The following ZNF346 variants were observed in gnomAD, a reference collection of about 807,000 sequenced individuals.
ZNF346 encodes the protein zinc finger protein 346.
Under a neutral mutation model 33.7 loss-of-function variants are expected in ZNF346, and 23 were observed. That is an observed-to-expected ratio of 0.68 (90% CI 0.49 to 0.97). The LOEUF is 0.97. Among genes scored for constraint, ZNF346 ranks in the 50% least tolerant of loss-of-function variants. The pLI is 0.00. For synonymous variants in ZNF346, 134 were observed against 142.4 expected (o/e 0.94, Z 0.42); for missense variants, 340 against 371.1 (o/e 0.92, Z 0.69).
chr5:177,061,075 G>A (rs1050562052), intron 5 of ZNF346, among the ~76,000 whole-genome samples: 1 of 150,870 alleles, frequency 6.6e-6, no homozygotes, highest in Non-Finnish European at 1.5e-5. Flanking sequence ...TCGCACCACT[G>A]CACTCCAGCC....
chr5:177,071,366 T>TAA (rs909904213), downstream of ZNF346, among the ~76,000 whole-genome samples: 1 of 129,852 alleles, frequency 7.7e-6, no homozygotes. Context: ...GGGAGCCTCT[T>TAA]AAAAAAAAAA....
Position 177,041,876 on chromosome 5 carries a change from A to G in ZNF346, c.372+6A>G, listed in dbSNP as rs1353097806. 1.3e-6 allele frequency: 2 copies of G among 1,597,666 alleles called. No homozygotes were observed. The highest frequency in any genetic ancestry group is 1.7e-6 in the Non-Finnish European group (2 of 1,166,404). Reference sequence around the variant, plus strand: ...AGAAGCTAGACTCAGATCAGGTAATACAGCTGCCATATTGAGCCCACTTGC... The same window carrying G: ...AGAAGCTAGACTCAGATCAGGTAATGCAGCTGCCATATTGAGCCCACTTGC... On this transcript the variant is annotated splice_donor_region_variant and intron_variant, in intron 3 of 6. Transcript: ENST00000358149.
rs199787330 is a variant in ZNF346 at position 177,044,466 on chromosome 5, G to T, written c.450G>T (p.Gln150His). 2 of 1,614,112 alleles carry T rather than the reference G, an allele frequency of 1.2e-6. No homozygotes were observed. Among genetic ancestry groups the T allele is most frequent in the Non-Finnish European group, 1.7e-6 (2 of 1,180,024 alleles). Residue 150 changes from glutamine (Q) to histidine (H), a missense_variant, in exon 4 of 7, where the codon CAG becomes CAT. Transcript: ENST00000358149. ...NMTFSSPVVA[Q>H]SHYLGKTHAK... ...CCTTTTCCTCCCCTGTCGTGGCCCA[G>T]TCGCACTACCTGGGGAAGACCCACG...
intron 1 of ZNF346, chr5:177,023,135 C>A: frequency 6.7e-7 from 1 of 1,493,624 alleles, no homozygotes; most frequent in Non-Finnish European, 9.0e-7. Flanking sequence ...GGGTTTTCCT[C>A]CTCCTCCTTC....
chr5:177,031,335 T>G (rs79297957), intron 1 of ZNF346, among the ~76,000 whole-genome samples: 1,746 of 152,314 alleles, frequency 0.011, 11 homozygotes, highest in South Asian at 0.025. Context: ...GCCTGGACAC[T>G]TAGTGTAATG....
At chr5:177,069,989 T>C (rs555071083), downstream of ZNF346, among the ~76,000 whole-genome samples, 16 of 152,214 alleles carry the variant, frequency 1.1e-4, no homozygotes, top group African/African-American at 3.9e-4. Context: ...GACAACTGGG[T>C]TGTTTCTAGT....
intron 3 of ZNF346, among the ~76,000 whole-genome samples, chr5:177,043,317 A>G (rs1174344279): frequency 6.6e-6 from 1 of 152,160 alleles, no homozygotes; most frequent in Non-Finnish European, 1.5e-5. Flanking sequence ...ACAATTTATA[A>G]TTCAGAAAGG....
At chr5:177,028,040 CTTTTTTTTTTTTTTTTTTT>C (rs10682528) in intron 1 of ZNF346, among the ~76,000 whole-genome samples, 2 of 33,502 alleles carry the variant, frequency 6.0e-5, no homozygotes, top group Non-Finnish European at 9.8e-5. Flanking sequence ...CCTTGTGTCA[CTTTTTTTTTTTTTTTTTTT>C]TTTTTTTTTT....
At position 177,064,725 on chromosome 5, in the gene ZNF346, G is replaced by T; in HGVS notation, c.*126G>T. On this transcript the variant is annotated 3_prime_UTR_variant, in exon 7 of 7. Coordinates refer to ENST00000358149, the MANE Select transcript of ZNF346 (RefSeq NM_012279.4). Reference sequence around the variant, plus strand: ...AGTACACGGGCCTGAGGCAGGATTGGGCCACAGACAGCCTCTCATTGGTCC... The same window carrying T: ...AGTACACGGGCCTGAGGCAGGATTGTGCCACAGACAGCCTCTCATTGGTCC... 1 of 745,064 alleles carries T rather than the reference G, an allele frequency of 1.3e-6. No homozygotes were observed. Among genetic ancestry groups the T allele is most frequent in the East Asian group, 2.6e-5 (1 of 39,194 alleles). 46.2% of individuals were successfully genotyped at this position (745,064 alleles called of 1,614,324 possible).
Position 177,022,802 on chromosome 5 carries a change from A to C in ZNF346, c.64A>C (p.Ser22Arg), listed in dbSNP as rs941370318. Residue 22 changes from serine (S) to arginine (R), a missense_variant, in exon 1 of 7, where the codon AGC (serine) becomes CGC (arginine). Transcript: ENST00000358149. ...CGGCGGAGCGGCCGGGCCTTACAGC[A>C]GCTCGGAGTTGCTGGAGGGCCAGGA... ...ADGGAAGPYS[S>R]SELLEGQEPD... 1 of 1,544,240 alleles carries C rather than the reference A, an allele frequency of 6.5e-7. No homozygotes were observed. Among genetic ancestry groups the C allele is most frequent in the Non-Finnish European group, 8.7e-7 (1 of 1,146,150 alleles).
chr5:177,048,317 A>G lies in ZNF346; in HGVS notation c.518-2434A>G, dbSNP rs959156722. Among the ~76,000 whole-genome samples the G allele has an allele frequency of 5.9e-5, 9 of 152,286 alleles. No homozygotes were observed. In the East Asian group the frequency reaches 1.7e-3, roughly 29 times the overall value. ...CTCTTTTCTGATGTTAAAAATCTAC[A>G]TTCATTACAGAAAAGTTGGAAAATA... On this transcript the variant is annotated intron_variant, in intron 4 of 6. Coordinates refer to ENST00000358149, the MANE Select transcript of ZNF346 (RefSeq NM_012279.4).
At chr5:177,044,558 A>G (rs377348360) in intron 4 of ZNF346, 25 bp downstream of exon 4, 23 of 1,612,218 alleles carry the variant, frequency 1.4e-5, no homozygotes, top group African/African-American at 4.0e-5. Flanking sequence ...GAGTAGTGCT[A>G]TAGTGGGACC....
At chr5:177,042,954 C>T (rs1779546329) in intron 3 of ZNF346, among the ~76,000 whole-genome samples, 1 of 152,106 alleles carries the variant, frequency 6.6e-6, no homozygotes, top group Admixed American at 6.6e-5. Flanking sequence ...TGGGTTCAGG[C>T]GATTCCCCTG....
At chr5:177,036,604 C>T (rs191605862) in intron 1 of ZNF346, among the ~76,000 whole-genome samples, 236 of 152,188 alleles carry the variant, frequency 1.6e-3, no homozygotes, top group African/African-American at 5.6e-3. Context: ...CTCAGGTCTC[C>T]GCTGTCACAC....
rs187930238 is a variant in ZNF346, at chr5:177,058,415, G to A, written c.704-3643G>A. 7.9e-3 allele frequency among the ~76,000 whole-genome samples: 1,196 copies of A among 151,950 alleles called. 57 individuals are homozygous for A. Among genetic ancestry groups the A allele is most frequent in the Admixed American group, 0.073 (1,105 of 15,236 alleles). ...GAACCTGGGAGGCGGAGGTTGCAGTGAGCCGAGATCACGCCATTGCACTCC... is the reference window on the plus strand; with the variant it reads ...GAACCTGGGAGGCGGAGGTTGCAGTAAGCCGAGATCACGCCATTGCACTCC... On this transcript the variant is annotated intron_variant, in intron 5 of 6. Coordinates refer to ENST00000358149, the MANE Select transcript of ZNF346 (RefSeq NM_012279.4).
At position 177,056,566 on chromosome 5, in the gene ZNF346, C is replaced by T. The variant is rs1316255892; in HGVS notation, c.704-5492C>T. 3.9e-5 allele frequency among the ~76,000 whole-genome samples: 6 copies of T among 152,292 alleles called. No homozygotes were observed. In the East Asian group the frequency reaches 9.6e-4, roughly 24 times the overall value. ...TTAAGAAATTGTGGCACATATACAC[C>T]ATGGAATACTATGCAGCCATAAAAA... On this transcript the variant is annotated intron_variant, in intron 5 of 6. Transcript: ENST00000358149.
intron 1 of ZNF346, among the ~76,000 whole-genome samples, chr5:177,025,243 T>C (rs1026704980): frequency 2.0e-5 from 3 of 152,230 alleles, no homozygotes; most frequent in African/African-American, 7.2e-5. Flanking sequence ...TAGTACTTCA[T>C]TCCTTTTTAT....
rs1226007947 is a variant in ZNF346 at position 177,065,585 on chromosome 5, G to A, written c.*986G>A. ...GATTTCTGGGTCCCAGGGAAAGAAA[G>A]AGAGAGCTGATGCAGGTTTCTACAG... is the stretch of plus-strand genomic sequence containing the variant. On this transcript the variant is annotated 3_prime_UTR_variant, in exon 7 of 7. Transcript: ENST00000358149. The A allele has an allele frequency of 1.3e-5, 2 of 152,634 alleles. No individual in the cohort carries two copies. The highest frequency in any genetic ancestry group is 1.3e-4 in the Admixed American group (2 of 15,280). The allele number at this position is 152,634 out of a possible 1,614,324, so 9.5% of individuals were successfully genotyped here.
At chr5:177,045,459 A>G (rs7702093) in intron 4 of ZNF346, among the ~76,000 whole-genome samples, 5,052 of 151,692 alleles carry the variant, frequency 0.033, 289 homozygotes, top group African/African-American at 0.11. Flanking sequence ...GGTTCATGCC[A>G]TTCTTCAGCC....
Sources: gnomAD v4.1 joint callset for allele counts (sites outside exome capture counted in the v4.1 genomes callset) on GRCh38, gnomAD v4.1.1 for gene constraint, MANE v1.5 for transcripts, NCBI Gene and HGNC (gene_info 2026-07-23, HGNC 2026-07-21) for gene names.